The following ABCA4 variants were observed in gnomAD, a reference collection of about 807,000 sequenced individuals.
ABCA4 encodes ATP binding cassette subfamily A member 4, also known as retinal-specific phospholipid-transporting ATPase ABCA4.
ABCA4 carries 196 observed loss-of-function variants against 263.7 expected under a neutral mutation model. The observed-to-expected ratio is 0.74, with a 90% CI of 0.66 to 0.84. ABCA4 has a LOEUF of 0.84. Among genes scored for constraint, ABCA4 ranks in the 40% least tolerant of loss-of-function variants. ABCA4 has a pLI of 0.00. For missense variants in ABCA4, 2,792 were observed against 2,855.1 expected (o/e 0.98, Z 0.50); for synonymous variants, 1,133 against 1,094.2 (o/e 1.04, Z -0.70).
At chr1:94,007,867 A>C in intron 42 of ABCA4, 127 bp from the exon 43 acceptor site, 1 of 827,694 alleles carries the variant, frequency 1.2e-6, no homozygotes, top group Non-Finnish European at 2.0e-6. Context: ...AGAGGCCACG[A>C]GCCATATGTG....
Position 94,046,948 on chromosome 1 carries a change from GC to G in ABCA4, c.2888del (p.Gly963AlafsTer14), listed in dbSNP as rs61752410. The G allele has an allele frequency of 6.2e-7, 1 of 1,614,152 alleles. No homozygotes were observed. Among genetic ancestry groups the G allele is most frequent in the Admixed American group, 1.7e-5 (1 of 60,014 alleles). On this transcript the variant is annotated frameshift_variant, in exon 19 of 50. Transcript: ENST00000370225. LOFTEE classifies it high-confidence loss of function. Reference protein sequence around the residue: ...FYENQITAFLGHNGAGKTTTL... With the variant: ...FYENQITAFLXHNGAGKTTTL... ...TGGTGGTTTTCCCAGCTCCATTGTG[GC>G]CCAGGAATGCGGTGATCTGGTTCTC...
chr1:94,079,545 G>T (rs1401200811), intron 8 of ABCA4, 84 bp from the exon 9 acceptor site: 28 of 1,586,426 alleles, frequency 1.8e-5, no homozygotes, highest in Non-Finnish European at 2.3e-5. Context: ...CACATCACAT[G>T]TCTCATTCAA....
intron 40 of ABCA4, 148 bp from the exon 41 acceptor site, chr1:94,009,019 C>A: frequency 8.6e-7 from 1 of 1,167,236 alleles, no homozygotes. Context: ...GGGCTCCCAG[C>A]AGGAGAGGCA....
At chr1:94,040,168 C>A in intron 23 of ABCA4, 41 bp from the exon 24 acceptor site, 1 of 1,501,226 alleles carries the variant, frequency 6.7e-7, no homozygotes, top group South Asian at 1.2e-5. Flanking sequence ...ATGCACATCC[C>A]TTCCATGACA....
intron 18 of ABCA4, among the ~76,000 whole-genome samples, chr1:94,047,496 T>C (rs1205910344): frequency 1.3e-5 from 2 of 152,184 alleles, no homozygotes; most frequent in Admixed American, 6.5e-5. Flanking sequence ...ACTCACTGTC[T>C]ATAGGGAGAG....
At chr1:94,079,113 C>T (rs995953480) in intron 9 of ABCA4, among the ~76,000 whole-genome samples, 1 of 152,098 alleles carries the variant, frequency 6.6e-6, no homozygotes, top group Admixed American at 6.5e-5. Context: ...TTGTAGGCTG[C>T]AGTAGAGAGG....
intron 15 of ABCA4, 128 bp downstream of exon 15, chr1:94,056,473 C>T (rs1035733646): frequency 1.4e-5 from 14 of 1,025,276 alleles, no homozygotes; most frequent in African/African-American, 1.1e-4. Flanking sequence ...TTTAGCCTCA[C>T]GTGAACTTTT....
Position 94,011,078 on chromosome 1 carries a change from C to T in ABCA4, c.5585-149G>A, listed in dbSNP as rs991561762. 3.2e-6 allele frequency: 5 copies of T among 1,540,776 alleles called. No individual in the cohort carries two copies. The African/African-American group carries it at 5.5e-5, about 17-fold the overall frequency. ...TCATAAGGGCTGCCCTCCATCCCTCCTGTGGCTCCCCAGCCATGGAAACAG... is the reference window on the plus strand; with the variant it reads ...TCATAAGGGCTGCCCTCCATCCCTCTTGTGGCTCCCCAGCCATGGAAACAG... On this transcript the variant is annotated intron_variant, in intron 39 of 49. Transcript: ENST00000370225.
intron 11 of ABCA4, among the ~76,000 whole-genome samples, chr1:94,072,086 C>T (rs12759306): frequency 6.6e-6 from 1 of 152,010 alleles, no homozygotes; most frequent in Non-Finnish European, 1.5e-5. Flanking sequence ...ACATTCCCTG[C>T]GTACATTCTG....
intron 44 of ABCA4, 194 bp downstream of exon 44, chr1:94,005,247 T>G (rs1659340818): frequency 1.5e-6 from 1 of 649,760 alleles, no homozygotes; most frequent in African/African-American, 1.8e-5. Context: ...GATTTTTTTT[T>G]GTCTGTCTTG....
At chr1:93,995,931 A>G (rs770465879) in intron 49 of ABCA4, among the ~76,000 whole-genome samples, 178 bp downstream of exon 49, 1 of 152,216 alleles carries the variant, frequency 6.6e-6, no homozygotes, top group Non-Finnish European at 1.5e-5. Flanking sequence ...ACACAGTGGC[A>G]GGGACTTAGC....
At position 94,106,950 on chromosome 1, in the gene ABCA4, C is replaced by T. The variant is rs184627557; in HGVS notation, c.442+1627G>A. Among the ~76,000 whole-genome samples, 31 of 152,306 alleles carry T rather than the reference C, an allele frequency of 2.0e-4. No homozygotes were observed. In the East Asian group the frequency reaches 5.8e-3, roughly 28 times the overall value. ...TGAGCCCTCTGAGGGCTGGCATTTG[C>T]CTGACTCATCTCTCCACCCCCAGAG... On this transcript the variant is annotated intron_variant, in intron 4 of 49. Coordinates refer to ENST00000370225, the MANE Select transcript of ABCA4 (RefSeq NM_000350.3).
chr1:94,041,347 G>C lies in ABCA4; in HGVS notation c.3384C>G (p.Asp1128Glu), dbSNP rs369922919. Residue 1128 changes from aspartate to glutamate, a missense_variant, in exon 23 of 50, where the codon GAC becomes GAG. Transcript: ENST00000370225. ...TTCCCTGGGCAATGATGGCAATGCG[G>C]TCCCCAAGGAGGTCGGCCTCGTCCA... ...HHMDEADLLG[D>E]RIAIIAQGRL... is the part of the protein sequence containing the mutation. The C allele has an allele frequency of 1.9e-6, 3 of 1,614,070 alleles. No homozygotes were observed. The African/African-American group carries it at 4.0e-5, about 22-fold the overall frequency.
At chr1:94,083,297 G>T in intron 7 of ABCA4, 55 bp downstream of exon 7, 1 of 1,339,852 alleles carries the variant, frequency 7.5e-7, no homozygotes. Context: ...ACATAAGTGG[G>T]GTAAATGGTG....
In ABCA4 at chr1:93,998,011, G is replaced by A. The variant is rs763108716; in HGVS notation, c.6579C>T (p.Phe2193=). The A allele has an allele frequency of 2.0e-5, 32 of 1,614,080 alleles. No homozygotes were observed. In the East Asian group the frequency reaches 6.9e-4, roughly 35 times the overall value. Reference sequence around the variant, plus strand: ...GCCTCTCCCTCTGCACACTGCCTGGGAAGTTCCCCTGGAAGAACTGCTCCA... The same window carrying A: ...GCCTCTCCCTCTGCACACTGCCTGGAAAGTTCCCCTGGAAGAACTGCTCCA... ...NPVEQFFQGN[F]PGSVQRERHY... is the part of the protein sequence containing the mutation. Residue 2193 remains phenylalanine, a synonymous_variant, in exon 48 of 50, where the codon TTC becomes TTT. Transcript: ENST00000370225.
chr1:94,006,525 T>A (rs995646976), intron 43 of ABCA4, among the ~76,000 whole-genome samples: 1 of 152,188 alleles, frequency 6.6e-6, no homozygotes, highest in African/African-American at 2.4e-5. Context: ...TGGTATGATA[T>A]CTCTACCCTG....
At chr1:93,997,691 A>T (rs1416781330) in intron 48 of ABCA4, among the ~76,000 whole-genome samples, 170 bp downstream of exon 48, 2 of 152,244 alleles carry the variant, frequency 1.3e-5, no homozygotes, top group Non-Finnish European at 2.9e-5. Context: ...TGACTAAAAA[A>T]TATTGTTAGA....
rs762335392 is a variant in ABCA4 at position 94,056,551 on chromosome 1, C to T, written c.2382+50G>A. On this transcript the variant is annotated intron_variant, in intron 15 of 49. Coordinates refer to ENST00000370225, the MANE Select transcript of ABCA4 (RefSeq NM_000350.3). The stretch of plus-strand genomic sequence containing the variant: ...GCTGGGCCTCCAGGACTGCTACGGA[C>T]CCTTCCAAGGAAACGTGTTGTAGGA... The T allele has an allele frequency of 1.1e-5, 18 of 1,581,616 alleles. No homozygotes were observed. In the East Asian group the frequency reaches 2.3e-4, roughly 20 times the overall value.
In ABCA4 at chr1:94,047,019, G is replaced by T; in HGVS notation, c.2818C>A (p.Pro940Thr). The T allele has an allele frequency of 6.2e-7, 1 of 1,614,142 alleles. No individual in the cohort carries two copies. The highest frequency in any genetic ancestry group is 1.1e-5 in the South Asian group (1 of 91,078). ...CGGTCCACAGCTGGCCGGCCACAGG[G>T]CTCAAAAATCTTTACCAGATTCTTC... is the stretch of plus-strand genomic sequence containing the variant. ...CVKNLVKIFE[P>T]CGRPAVDRLN... The change falls in exon 19 of 50, where the codon CCC becomes ACC. Residue 940 changes from proline to threonine, a missense_variant. Coordinates refer to ENST00000370225, the MANE Select transcript of ABCA4 (RefSeq NM_000350.3).
Sources: allele counts gnomAD v4.1 joint callset (sites outside exome capture counted in the v4.1 genomes callset), GRCh38; gene constraint gnomAD v4.1.1; transcripts MANE v1.5; gene names NCBI Gene and HGNC (gene_info 2026-07-23, HGNC 2026-07-21).